NOP53: variants seen among roughly 807,000 people sequenced by gnomAD.
NOP53 encodes NOP53 ribosome biogenesis factor.
In NOP53, 40 loss-of-function variants were observed where a neutral mutation model predicts 61.0. That is an observed-to-expected ratio of 0.66 (90% CI 0.51 to 0.85). The LOEUF (loss-of-function observed/expected upper bound fraction) is 0.85, where lower values mean the gene tolerates loss of function less well. NOP53 is among the 40% of genes least tolerant of loss of function. The pLI, the probability that NOP53 is intolerant of heterozygous loss-of-function variation, is 0.00. For missense variants in NOP53, 689 were observed against 652.9 expected, an observed-to-expected ratio of 1.06 and a Z score of -0.60; for synonymous variants, 308 against 289.5, an observed-to-expected ratio of 1.06 and a Z score of -0.65.
chr19:47,752,959 AGACC>A (rs1366285475), intron 6 of NOP53: 3 of 217,570 alleles, frequency 1.4e-5, no homozygotes, highest in African/African-American at 6.7e-5. Flanking sequence ...GAGTTGAGAG[AGACC>A]GTGGCGCCTT....
intron 9 of NOP53, 37 bp downstream of exon 9, chr19:47,755,560 G>A (rs933662659): frequency 3.8e-5 from 55 of 1,457,468 alleles, no homozygotes; most frequent in Non-Finnish European, 5.0e-5. Flanking sequence ...AGAGGCTGGG[G>A]AGGGGGCCGG....
In NOP53 at chr19:47,757,051, C is replaced by T; in HGVS notation, c.*46C>T. On this transcript the variant is annotated 3_prime_UTR_variant, in exon 13 of 13. Transcript: ENST00000246802. The stretch of plus-strand genomic sequence containing the variant: ...CTCGCCCTTCAATAAAAAATCTCTT[C>T]TAGCTGATCAGTGGGCTCCACGTGT... 5 of 1,609,528 alleles carry T rather than the reference C, an allele frequency of 3.1e-6. No individual in the cohort carries two copies. The highest frequency in any genetic ancestry group is 4.3e-6 in the Non-Finnish European group (5 of 1,175,772).
rs1394958554 is a variant in NOP53 at position 47,754,471 on chromosome 19, C to T, written c.766-56C>T. 7.6e-7 allele frequency: 1 copy of T among 1,311,220 alleles called. No individual in the cohort carries two copies. Among genetic ancestry groups the T allele is most frequent in the Non-Finnish European group, 1.1e-6 (1 of 932,692 alleles). The allele number at this position is 1,311,220 out of a possible 1,614,324, so 81.2% of individuals were successfully genotyped here. On this transcript the variant is annotated intron_variant, in intron 6 of 12. Coordinates refer to ENST00000246802, the MANE Select transcript of NOP53 (RefSeq NM_015710.5). This position sits in a 1 kb window ranked among gnomAD's most constrained non-coding sequence, Gnocchi z 4.2. The stretch of plus-strand genomic sequence containing the variant: ...AGGGACAGATGGGAGGTAAGAGGGT[C>T]TAGTCTCAGTGTCCCAGGAGGGGTT...
intron 2 of NOP53, among the ~76,000 whole-genome samples, chr19:47,747,408 CAGGCAGGCAG>C (rs150227107): frequency 0.018 from 2,752 of 152,142 alleles, 88 homozygotes; most frequent in African/African-American, 0.062. Context: ...TTGGGAGGCT[CAGGCAGGCAG>C]ATCACCTGAG....
chr19:47,751,680 A>C, intron 5 of NOP53, 90 bp downstream of exon 5: 3 of 1,017,490 alleles, frequency 2.9e-6, no homozygotes, highest in Non-Finnish European at 4.6e-6. Context: ...TCTGTCTCAG[A>C]GCCCTTCCAT....
rs115811244 is a variant in NOP53, at chr19:47,747,323, G to A, written c.289+292G>A. On this transcript the variant is annotated intron_variant, in intron 2 of 12. Transcript: ENST00000246802. ...ACATTAAAGGATCTCTTTTTAGCTT[G>A]CAGAAAAGCAAGTCAAGGACCTGCT... Among the ~76,000 whole-genome samples, 1,506 of 152,218 alleles carry A rather than the reference G, an allele frequency of 9.9e-3. 34 individuals are homozygous for A. Among genetic ancestry groups the A allele is most frequent in the African/African-American group, 0.033 (1,388 of 41,520 alleles).
At position 47,745,550 on chromosome 19, in the gene NOP53, C is replaced by T. The variant is rs185060691; in HGVS notation, c.-10C>T. 143 of 1,612,650 alleles carry T rather than the reference C, an allele frequency of 8.9e-5. No homozygotes were observed. The African/African-American group carries it at 1.2e-3, about 14-fold the overall frequency. The stretch of plus-strand genomic sequence containing the variant: ...TGGGACGCCAGTGGCTGAGTTCTTC[C>T]TTTGACAAGATGGCGGCAGGAGGCA... On this transcript the variant is annotated 5_prime_UTR_variant, in exon 1 of 13. Coordinates refer to ENST00000246802, the MANE Select transcript of NOP53 (RefSeq NM_015710.5).
rs371377267 is a variant in NOP53, at chr19:47,745,556, C to G, written c.-4C>G. On this transcript the variant is annotated 5_prime_UTR_variant, in exon 1 of 13. Transcript: ENST00000246802. Reference sequence around the variant, plus strand: ...GCCAGTGGCTGAGTTCTTCCTTTGACAAGATGGCGGCAGGAGGCAGTGGCG... The same window carrying G: ...GCCAGTGGCTGAGTTCTTCCTTTGAGAAGATGGCGGCAGGAGGCAGTGGCG... 4 of 1,613,100 alleles carry G rather than the reference C, an allele frequency of 2.5e-6. No individual in the cohort carries two copies. The highest frequency in any genetic ancestry group is 3.4e-6 in the Non-Finnish European group (4 of 1,179,516).
chr19:47,752,981 G>A (rs960301593), intron 6 of NOP53: 1 of 198,130 alleles, frequency 5.0e-6, no homozygotes, highest in Non-Finnish European at 1.0e-5. Flanking sequence ...CTTCCAGGAA[G>A]CCTGTGGGGC....
At chr19:47,751,382 C>A in intron 4 of NOP53, 138 bp from the exon 5 acceptor site, 1 of 700,876 alleles carries the variant, frequency 1.4e-6, no homozygotes, top group Admixed American at 2.4e-5. Flanking sequence ...TGATCAAGGC[C>A]CTTGGGGTCT....
Position 47,754,387 on chromosome 19 carries a change from G to A in NOP53, c.766-140G>A. The A allele has an allele frequency of 1.5e-6, 1 of 682,604 alleles. No homozygotes were observed. Among genetic ancestry groups the A allele is most frequent in the Admixed American group, 2.3e-5 (1 of 44,378 alleles). The allele number at this position is 682,604 out of a possible 1,614,324, so 42.3% of individuals were successfully genotyped here. A position where few individuals can be genotyped will look rare whatever the true frequency, so the allele number is the denominator to read the frequency against. ...TGGCTCTGTGCAGGGTGGGTGTGCT[G>A]GTAGACGGGGTGTGGGGAGGAAAGC... On this transcript the variant is annotated intron_variant, in intron 6 of 12. Coordinates refer to ENST00000246802, the MANE Select transcript of NOP53 (RefSeq NM_015710.5). The surrounding 1 kb of genome is among the most constrained non-coding windows in gnomAD (Gnocchi z 4.2).
intron 10 of NOP53, chr19:47,756,144 C>T (rs1311204517): frequency 1.9e-6 from 1 of 513,040 alleles, no homozygotes; most frequent in African/African-American, 1.9e-5. Flanking sequence ...TGCTGTGGCT[C>T]CCCAGTGCCC....
Position 47,756,604 on chromosome 19 carries a change from A to G in NOP53, c.1373A>G (p.Lys458Arg). ...ATGATCGAGCCTCGAGAGAGAGCCA[A>G]GTAAGGGGCGGCCGGGGCTGCTGTG... ...RNMIEPRERAKFKRKYKVKLV... is the reference protein window; with the variant it reads ...RNMIEPRERARFKRKYKVKLV... The change falls in exon 11 of 13, where the codon AAG (lysine) becomes AGG (arginine). Residue 458 changes from lysine to arginine, a missense_variant and splice_region_variant. By Grantham distance (26) the Lys-to-Arg change is conservative. Coordinates refer to ENST00000246802, the MANE Select transcript of NOP53 (RefSeq NM_015710.5). 1.2e-6 allele frequency: 2 copies of G among 1,613,916 alleles called. No individual in the cohort carries two copies. The highest frequency in any genetic ancestry group is 2.2e-5 in the South Asian group (2 of 91,080).
chr19:47,752,734 T>C (rs913487635), intron 6 of NOP53, 127 bp downstream of exon 6: 4 of 653,780 alleles, frequency 6.1e-6, no homozygotes, highest in Non-Finnish European at 1.1e-5. Context: ...GCAACGGGGC[T>C]CACGGTCCAG....
chr19:47,750,893 C>G lies in NOP53; in HGVS notation c.399-15C>G. ...CACCTCACCTGCTGCACTTGTGCCC[C>G]CTCTCCCCGACCAGCGTCCTCGCCC... On this transcript the variant is annotated splice_polypyrimidine_tract_variant and intron_variant, in intron 3 of 12. Transcript: ENST00000246802. 1 of 1,569,414 alleles carries G rather than the reference C, an allele frequency of 6.4e-7. No homozygotes were observed. The highest frequency in any genetic ancestry group is 8.6e-7 in the Non-Finnish European group (1 of 1,158,302).
Position 47,754,536 on chromosome 19 carries a change from T to C in NOP53, c.775T>C (p.Ser259Pro). 1.3e-6 allele frequency: 2 copies of C among 1,550,450 alleles called. No homozygotes were observed. The highest frequency in any genetic ancestry group is 1.7e-6 in the Non-Finnish European group (2 of 1,147,544). ...CACTCCCGCCCCTCAGACCCTGCTC[T>C]CAGCGGCCCACGAGGTGGAGTTGCA... ...PSFEDHQTLL[S>P]AAHEVELQRQ... The change falls in exon 7 of 13, where the codon TCA (serine) becomes CCA (proline). Residue 259 changes from serine (S) to proline (P), a missense_variant. Transcript: ENST00000246802. The surrounding 1 kb of genome is among the most constrained non-coding windows in gnomAD (Gnocchi z 4.2).
At chr19:47,750,839 G>A in intron 3 of NOP53, 69 bp from the exon 4 acceptor site, 2 of 1,342,228 alleles carry the variant, frequency 1.5e-6, no homozygotes, top group African/African-American at 1.4e-5. Context: ...AGCCCGACGG[G>A]GAGGAGGCCC....
chr19:47,746,242 G>A (rs1433639374), intron 1 of NOP53: 1 of 153,892 alleles, frequency 6.5e-6, no homozygotes. Context: ...GGCTGGAGTA[G>A]GCGCGATCTC....
intron 4 of NOP53, 82 bp downstream of exon 4, chr19:47,751,189 C>A: frequency 7.7e-7 from 1 of 1,306,470 alleles, no homozygotes; most frequent in Non-Finnish European, 1.1e-6. Flanking sequence ...CACGAGAGTA[C>A]AGTGTGAAAG....
Sources: allele counts gnomAD v4.1 joint callset (sites outside exome capture counted in the v4.1 genomes callset), GRCh38; gene constraint gnomAD v4.1.1; non-coding constraint Gnocchi (gnomAD v3.1); transcripts MANE v1.5; gene names NCBI Gene and HGNC (gene_info 2026-07-23, HGNC 2026-07-21).